Variants in CLASP2 observed in about 807,000 individuals in gnomAD.
The protein encoded by CLASP2 is CLIP-associating protein 2.
CLASP2 carries 47 observed loss-of-function variants against 194.4 expected under a neutral mutation model. That is an observed-to-expected ratio of 0.24 (90% CI 0.19 to 0.31). CLASP2 has a LOEUF of 0.31. Among genes scored for constraint, CLASP2 ranks in the 10% least tolerant of loss-of-function variants. CLASP2 has a pLI of 1.00. For synonymous variants in CLASP2, 619 were observed against 633.5 expected, an observed-to-expected ratio of 0.98 and a Z score of 0.34; for missense variants, 1,445 against 1,823.6, an observed-to-expected ratio of 0.79 and a Z score of 3.78.
chr3:33,711,419 T>TA (rs2093002075), intron 1 of CLASP2, among the ~76,000 whole-genome samples: 1 of 151,424 alleles, frequency 6.6e-6, no homozygotes, highest in South Asian at 2.1e-4. Flanking sequence ...CTAATTTTTT[T>TA]ATTTCTTTTT....
intron 37 of CLASP2, chr3:33,503,171 T>G (rs775019565): frequency 6.6e-6 from 1 of 152,106 alleles, no homozygotes; most frequent in East Asian, 1.9e-4. Context: ...CATGGCAGAA[T>G]GAGGTATTAT....
intron 18 of CLASP2, chr3:33,602,508 G>C: frequency 1.3e-6 from 1 of 756,038 alleles, no homozygotes; most frequent in Non-Finnish European, 2.4e-6. Context: ...AAACTGAATA[G>C]AGTTTTGGAA....
At chr3:33,566,775 A>C in intron 26 of CLASP2, 41 bp from the exon 27 acceptor site, 1 of 430,208 alleles carries the variant, frequency 2.3e-6, no homozygotes, top group Non-Finnish European at 4.6e-6. Context: ...TGCAAAAAGA[A>C]AAAAAGAAAA....
chr3:33,658,904 C>T (rs1261321844), intron 7 of CLASP2: 2 of 1,348,518 alleles, frequency 1.5e-6, no homozygotes, highest in Non-Finnish European at 2.0e-6. Context: ...ATTTCTTACA[C>T]AGCAAATGAT....
chr3:33,717,286 C>G (rs189117182), intron 1 of CLASP2, among the ~76,000 whole-genome samples: 3 of 152,034 alleles, frequency 2.0e-5, no homozygotes, highest in Non-Finnish European at 4.4e-5. Context: ...CTAGTAACTC[C>G]GCAACGTGTC....
chr3:33,606,336 G>A (rs2073847199), intron 16 of CLASP2, among the ~76,000 whole-genome samples: 1 of 152,126 alleles, frequency 6.6e-6, no homozygotes, highest in African/African-American at 2.4e-5. Flanking sequence ...AAAATGTAGT[G>A]CTTCCCAGGC....
chr3:33,607,498 G>C (rs1577115175), intron 14 of CLASP2, 37 bp from the exon 15 acceptor site: 2 of 1,444,678 alleles, frequency 1.4e-6, no homozygotes, highest in South Asian at 2.5e-5. Flanking sequence ...TTATGATATA[G>C]CTGTATGTTT....
intron 18 of CLASP2, 144 bp downstream of exon 18, chr3:33,602,808 G>A (rs763173053): frequency 9.3e-6 from 8 of 859,070 alleles, no homozygotes; most frequent in Non-Finnish European, 1.5e-5. Flanking sequence ...CCTCAGAAGT[G>A]TGTCCGCAAT....
intron 8 of CLASP2, among the ~76,000 whole-genome samples, chr3:33,642,370 A>G (rs1440527718): frequency 6.6e-6 from 1 of 151,724 alleles, no homozygotes; most frequent in Non-Finnish European, 1.5e-5. Flanking sequence ...AGGGTAAAAT[A>G]TAAGTTACAA....
chr3:33,523,778 A>G (rs1389747850), intron 34 of CLASP2, among the ~76,000 whole-genome samples: 1 of 152,214 alleles, frequency 6.6e-6, no homozygotes, highest in African/African-American at 2.4e-5. Flanking sequence ...TCTGGAGACA[A>G]TTGTATAAAG....
intron 1 of CLASP2, among the ~76,000 whole-genome samples, chr3:33,715,233 T>C (rs1302059716): frequency 1.3e-5 from 2 of 152,246 alleles, no homozygotes. Flanking sequence ...GCACATGCTA[T>C]CTGAAATGAT....
chr3:33,718,125 C>T lies in CLASP2; in HGVS notation c.-123G>A, dbSNP rs2093379016. 2.0e-6 allele frequency: 2 copies of T among 1,019,370 alleles called. No individual in the cohort carries two copies. Among genetic ancestry groups the T allele is most frequent in the African/African-American group, 3.4e-5 (2 of 58,682 alleles). 63.1% of individuals were successfully genotyped at this position (1,019,370 alleles called of 1,614,324 possible). ...CTCACTTAGCCCGCCAGGGGCGCGG[C>T]TTGCGGGGCGCAGCGGGCGGCGGGA... On this transcript the variant is annotated 5_prime_UTR_variant, in exon 1 of 39. Coordinates refer to ENST00000682230, the MANE Select transcript of CLASP2 (RefSeq NM_001365631.1).
At chr3:33,547,052 T>C (rs375336756) in intron 30 of CLASP2, among the ~76,000 whole-genome samples, 1 of 152,252 alleles carries the variant, frequency 6.6e-6, no homozygotes, top group African/African-American at 2.4e-5. Context: ...TATGGTCTAC[T>C]ACATTAATAG....
intron 29 of CLASP2, among the ~76,000 whole-genome samples, chr3:33,557,394 T>C (rs1047310941): frequency 6.6e-6 from 1 of 150,888 alleles, no homozygotes; most frequent in South Asian, 2.1e-4. Flanking sequence ...GGTCTCACTC[T>C]GTCTCTTAAA....
intron 16 of CLASP2, among the ~76,000 whole-genome samples, chr3:33,605,632 T>G (rs1055031963): frequency 1.3e-4 from 20 of 152,000 alleles, no homozygotes; most frequent in African/African-American, 4.8e-4. Context: ...CAGAGAAGTT[T>G]TTTGGAAACA....
intron 30 of CLASP2, among the ~76,000 whole-genome samples, 166 bp downstream of exon 30, chr3:33,551,086 C>T (rs2154160792): frequency 6.6e-6 from 1 of 152,264 alleles, no homozygotes; most frequent in South Asian, 2.1e-4. Context: ...ATTATGCTCA[C>T]ATTAATTGGA....
chr3:33,528,360 A>T (rs2055196709), intron 34 of CLASP2, among the ~76,000 whole-genome samples: 1 of 152,240 alleles, frequency 6.6e-6, no homozygotes, highest in Non-Finnish European at 1.5e-5. Flanking sequence ...AAAAGCTGGA[A>T]GCAGTCCCCT....
chr3:33,703,563 A>G (rs1245131773), intron 1 of CLASP2, among the ~76,000 whole-genome samples: 2 of 152,258 alleles, frequency 1.3e-5, no homozygotes, highest in African/African-American at 4.8e-5. Flanking sequence ...ACTTTCCCCC[A>G]TATGATCCAA....
At chr3:33,612,715 G>A (rs914544779) in intron 12 of CLASP2, among the ~76,000 whole-genome samples, 12 of 152,096 alleles carry the variant, frequency 7.9e-5, no homozygotes, top group African/African-American at 2.7e-4. Context: ...CTGAGCTAAT[G>A]GTACAGGCTG....
Sources: allele counts gnomAD v4.1 joint callset (sites outside exome capture counted in the v4.1 genomes callset), GRCh38; gene constraint gnomAD v4.1.1; transcripts MANE v1.5; gene names NCBI Gene and HGNC (gene_info 2026-07-23, HGNC 2026-07-21).